Variants in TSHZ2 observed in about 807,000 individuals in gnomAD.
TSHZ2 encodes teashirt zinc finger homeobox 2.
TSHZ2 carries 21 observed loss-of-function variants against 74.4 expected under a neutral mutation model. That is an observed-to-expected ratio of 0.28 (90% CI 0.20 to 0.41). TSHZ2 has a LOEUF of 0.41. Ranked by LOEUF, TSHZ2 falls within the 10% of genes least tolerant of loss-of-function variation. The pLI is 1.00. For missense variants in TSHZ2, 1,244 were observed against 1,293.5 expected (o/e 0.96, Z 0.59); for synonymous variants, 540 against 515.3 (o/e 1.05, Z -0.65).
chr20:53,331,916 G>A (rs1334487259), intron 2 of TSHZ2, among the ~76,000 whole-genome samples: 1 of 152,118 alleles, frequency 6.6e-6, no homozygotes, highest in South Asian at 2.1e-4. Context: ...TTGGAGAGAA[G>A]GGACAGTGAC....
chr20:53,393,665 AACACACACAC>A (rs113428598), intron 2 of TSHZ2, among the ~76,000 whole-genome samples: 8 of 148,442 alleles, frequency 5.4e-5, no homozygotes, highest in Admixed American at 3.4e-4. Flanking sequence ...TACACACGCA[AACACACACAC>A]ACACACACAC....
rs1600689115 is a variant in TSHZ2 at position 53,099,793 on chromosome 20, A to G, written c.40+126460A>G. Among the ~76,000 whole-genome samples, 2 of 152,344 alleles carry G rather than the reference A, an allele frequency of 1.3e-5. 1 individual carries two copies. The highest frequency in any genetic ancestry group is 2.9e-5 in the Non-Finnish European group (2 of 68,030). ...ATGGGGGAAACTGCCCCCATGATTC[A>G]ATTGTCTCTGACAAAGTCCCTCCCA... On this transcript the variant is annotated intron_variant, in intron 1 of 2. Transcript: ENST00000371497.
In TSHZ2 at chr20:53,127,439, C is replaced by T. The variant is rs943019434; in HGVS notation, c.41-126060C>T. On this transcript the variant is annotated intron_variant, in intron 1 of 2. Coordinates refer to ENST00000371497, the MANE Select transcript of TSHZ2 (RefSeq NM_173485.6). ...GAAGCTATGGCTGGGCATAGTGGCGCACGCCTGTAATCCCCCAATGCTTTC... is the reference window on the plus strand; with the variant it reads ...GAAGCTATGGCTGGGCATAGTGGCGTACGCCTGTAATCCCCCAATGCTTTC... Among the ~76,000 whole-genome samples, 4 of 152,266 alleles carry T rather than the reference C, an allele frequency of 2.6e-5. No individual in the cohort carries two copies. The South Asian group carries it at 8.3e-4, about 32-fold the overall frequency.
At chr20:53,114,502 A>C (rs1986618115) in intron 1 of TSHZ2, among the ~76,000 whole-genome samples, 1 of 152,230 alleles carries the variant, frequency 6.6e-6, no homozygotes, top group Non-Finnish European at 1.5e-5. Context: ...TAAGCACTCC[A>C]TAAATACTAG....
intron 1 of TSHZ2, among the ~76,000 whole-genome samples, chr20:53,003,293 T>TGTGTGTGA (rs1397850559): frequency 7.0e-6 from 1 of 143,422 alleles, no homozygotes. Flanking sequence ...TGTGTGTGTG[T>TGTGTGTGA]GTGAAATTTT....
At chr20:53,245,773 C>A (rs1043842974) in intron 1 of TSHZ2, among the ~76,000 whole-genome samples, 1 of 152,118 alleles carries the variant, frequency 6.6e-6, no homozygotes, top group African/African-American at 2.4e-5. Context: ...CCTGATAGGA[C>A]CCTTTCAGTC....
chr20:53,437,100 C>T (rs1457131008), intron 2 of TSHZ2, among the ~76,000 whole-genome samples: 6 of 152,172 alleles, frequency 3.9e-5, no homozygotes, highest in Admixed American at 3.9e-4. Context: ...TATTCTCTCA[C>T]GTCTTATATG....
At chr20:53,081,986 A>T (rs957707285) in intron 1 of TSHZ2, among the ~76,000 whole-genome samples, 1 of 152,008 alleles carries the variant, frequency 6.6e-6, no homozygotes, top group African/African-American at 2.4e-5. Context: ...CATTCCACAA[A>T]TATGAAAATA....
intron 2 of TSHZ2, among the ~76,000 whole-genome samples, chr20:53,457,987 C>T (rs1049197987): frequency 1.3e-5 from 2 of 151,202 alleles, no homozygotes; most frequent in Non-Finnish European, 3.0e-5. Flanking sequence ...ATTTTTGCAT[C>T]AATGTTCATC....
intron 1 of TSHZ2, among the ~76,000 whole-genome samples, chr20:53,058,731 G>A (rs1984725006): frequency 6.6e-6 from 1 of 152,164 alleles, no homozygotes; most frequent in Non-Finnish European, 1.5e-5. Flanking sequence ...TTGGAAATAG[G>A]CCTGACCAGG....
chr20:53,129,644 C>T (rs1448642707), intron 1 of TSHZ2, among the ~76,000 whole-genome samples: 8 of 152,128 alleles, frequency 5.3e-5, no homozygotes, highest in Admixed American at 1.3e-4. Flanking sequence ...TCCAGATTTT[C>T]CTTATGAAAC....
intron 2 of TSHZ2, among the ~76,000 whole-genome samples, chr20:53,409,429 C>T (rs1460180605): frequency 6.6e-6 from 1 of 151,548 alleles, no homozygotes; most frequent in East Asian, 1.9e-4. Context: ...GCATTGTGCC[C>T]TTAATTAATC....
At chr20:53,412,363 T>A (rs1983084442) in intron 2 of TSHZ2, among the ~76,000 whole-genome samples, 1 of 152,260 alleles carries the variant, frequency 6.6e-6, no homozygotes, top group South Asian at 2.1e-4. Context: ...GCCTGTGTGC[T>A]CCAGGAGAAT....
chr20:53,081,175 C>T (rs1054931465), intron 1 of TSHZ2, among the ~76,000 whole-genome samples: 1 of 152,154 alleles, frequency 6.6e-6, no homozygotes, highest in South Asian at 2.1e-4. Flanking sequence ...GCCACCACAC[C>T]CACCTGTTTT....
intron 1 of TSHZ2, among the ~76,000 whole-genome samples, chr20:53,181,019 C>T (rs1029611362): frequency 6.6e-6 from 1 of 152,172 alleles, no homozygotes; most frequent in Admixed American, 6.5e-5. Flanking sequence ...CCCTCCCCTT[C>T]ATTGAGTGTA....
chr20:53,240,759 A>ATAGATAGATAGG (rs1280001945), intron 1 of TSHZ2, among the ~76,000 whole-genome samples: 45 of 152,096 alleles, frequency 3.0e-4, no homozygotes, highest in African/African-American at 1.0e-3. Flanking sequence ...AGATAGATAG[A>ATAGATAGATAGG]TAGATAGATA....
chr20:53,370,354 C>T (rs768751511), intron 2 of TSHZ2, among the ~76,000 whole-genome samples: 4 of 152,042 alleles, frequency 2.6e-5, no homozygotes, highest in Non-Finnish European at 2.9e-5. Flanking sequence ...TCAGTTTCTC[C>T]GTGGAAAGTC....
intron 1 of TSHZ2, among the ~76,000 whole-genome samples, chr20:52,981,520 A>G (rs1981569458): frequency 6.6e-6 from 1 of 152,220 alleles, no homozygotes; most frequent in Non-Finnish European, 1.5e-5. Context: ...CTTTACCCTG[A>G]ATAACCAGAC....
At chr20:53,310,884 C>T (rs1978757422) in intron 2 of TSHZ2, among the ~76,000 whole-genome samples, 1 of 152,196 alleles carries the variant, frequency 6.6e-6, no homozygotes, top group South Asian at 2.1e-4. Flanking sequence ...AAGTCCCACA[C>T]ACACTCAAGG....
Sources: gnomAD v4.1 joint callset for allele counts (sites outside exome capture counted in the v4.1 genomes callset) on GRCh38, gnomAD v4.1.1 for gene constraint, MANE v1.5 for transcripts, NCBI Gene and HGNC (gene_info 2026-07-23, HGNC 2026-07-21) for gene names.